Variants in EYA1 observed in about 807,000 individuals in gnomAD.
EYA1 encodes the protein EYA transcriptional coactivator and phosphatase 1.
A neutral mutation model predicts 82.0 loss-of-function variants in EYA1; 16 were observed. The observed-to-expected ratio is 0.20, with a 90% CI of 0.13 to 0.30. The LOEUF (loss-of-function observed/expected upper bound fraction) is 0.30. Among genes scored for constraint, EYA1 ranks in the 10% least tolerant of loss-of-function variants. The pLI, the probability that EYA1 is intolerant of heterozygous loss-of-function variation, is 1.00. For missense variants in EYA1, 633 were observed against 730.7 expected (o/e 0.87, Z 1.54); for synonymous variants, 261 against 264.4 (o/e 0.99, Z 0.12).
chr8:71,203,974 T>G (rs987363456), intron 17 of EYA1, among the ~76,000 whole-genome samples: 1 of 152,188 alleles, frequency 6.6e-6, no homozygotes, highest in African/African-American at 2.4e-5. Context: ...GACATTCAGA[T>G]GGGTAGAACA....
chr8:71,320,276 G>A (rs1225844914), intron 6 of EYA1, among the ~76,000 whole-genome samples: 1 of 152,158 alleles, frequency 6.6e-6, no homozygotes, highest in Non-Finnish European at 1.5e-5. Context: ...GGGCAGTGAT[G>A]GGAATGGCAC....
intron 7 of EYA1, among the ~76,000 whole-genome samples, chr8:71,307,449 C>G (rs532168134): frequency 1.3e-5 from 2 of 152,212 alleles, no homozygotes; most frequent in South Asian, 2.1e-4. Context: ...GGATTACAAG[C>G]GTGTCCGTCC....
At chr8:71,401,442 T>C (rs1658359943) in intron 2 of EYA1, among the ~76,000 whole-genome samples, 2 of 152,214 alleles carry the variant, frequency 1.3e-5, no homozygotes, top group South Asian at 4.1e-4. Flanking sequence ...TAGTTTCTCA[T>C]TACTGCAAGT....
At chr8:71,227,024 A>T (rs1461736408) in intron 12 of EYA1, among the ~76,000 whole-genome samples, 3 of 152,136 alleles carry the variant, frequency 2.0e-5, no homozygotes, top group Non-Finnish European at 4.4e-5. Flanking sequence ...GACAATGCCA[A>T]ATTATATTGT....
chr8:71,462,273 G>T (rs1272734801), intron 2 of EYA1, among the ~76,000 whole-genome samples: 1 of 152,186 alleles, frequency 6.6e-6, no homozygotes, highest in East Asian at 1.9e-4. Flanking sequence ...GCTTATCAGT[G>T]CCCAATGTCA....
intron 2 of EYA1, among the ~76,000 whole-genome samples, chr8:71,471,486 T>C (rs1207621292): frequency 6.6e-6 from 1 of 152,040 alleles, no homozygotes; most frequent in Non-Finnish European, 1.5e-5. Context: ...TCTATACCTA[T>C]ATATAGGACA....
At chr8:71,547,637 G>C (rs931947132) in intron 1 of EYA1, 7 of 151,950 alleles carry the variant, frequency 4.6e-5, no homozygotes, top group Admixed American at 1.3e-4. Context: ...TCCTGCCCCG[G>C]GGTGGGGCCC....
chr8:71,483,164 T>C (rs910124958), intron 2 of EYA1, among the ~76,000 whole-genome samples: 5 of 152,234 alleles, frequency 3.3e-5, no homozygotes, highest in Non-Finnish European at 7.3e-5. Context: ...ATTTTGCTCC[T>C]TGCTGCTGCT....
rs1284982089 is a variant in EYA1 at position 71,407,653 on chromosome 8, G to A, written c.34-51142C>T. 2.4e-3 allele frequency among the ~76,000 whole-genome samples: 285 copies of A among 118,394 alleles called. 12 individuals carry two copies. Among genetic ancestry groups the A allele is most frequent in the African/African-American group, 0.01 (268 of 25,922 alleles). 77.7% of individuals were successfully genotyped at this position (118,394 alleles called of 152,430 possible). On this transcript the variant is annotated intron_variant, in intron 2 of 18. Coordinates refer to the EYA1 transcript ENST00000643681. ...GAAGATGAAATGAATGAAATGAAGC[G>A]AGAAGGGAAGTTTAGAGAAAAAAGA...
intron 2 of EYA1, among the ~76,000 whole-genome samples, chr8:71,368,676 T>G (rs906710561): frequency 6.6e-6 from 1 of 152,064 alleles, no homozygotes; most frequent in African/African-American, 2.4e-5. Flanking sequence ...TATACCTCTT[T>G]TGGGAGAAAA....
At chr8:71,262,888 T>C (rs1815308023) in intron 11 of EYA1, among the ~76,000 whole-genome samples, 1 of 152,224 alleles carries the variant, frequency 6.6e-6, no homozygotes. Flanking sequence ...AGAGGTTTCA[T>C]ATATAGACAC....
At chr8:71,388,476 A>G (rs1168188199) in intron 2 of EYA1, among the ~76,000 whole-genome samples, 1 of 152,212 alleles carries the variant, frequency 6.6e-6, no homozygotes, top group African/African-American at 2.4e-5. Flanking sequence ...GAACTTTACA[A>G]GGTGCTTATT....
intron 2 of EYA1, among the ~76,000 whole-genome samples, chr8:71,535,324 A>G (rs2129287830): frequency 6.6e-6 from 1 of 152,346 alleles, no homozygotes; most frequent in East Asian, 1.9e-4. Flanking sequence ...TTCTTCACTA[A>G]AAACCTATTT....
intron 12 of EYA1, among the ~76,000 whole-genome samples, chr8:71,220,264 G>A (rs148541494): frequency 1.9e-4 from 29 of 152,150 alleles, no homozygotes; most frequent in African/African-American, 6.3e-4. Context: ...TGAAATACAC[G>A]ACCAAAATTA....
At chr8:71,286,954 A>G (rs1818452157) in intron 9 of EYA1, among the ~76,000 whole-genome samples, 1 of 151,972 alleles carries the variant, frequency 6.6e-6, no homozygotes, top group Non-Finnish European at 1.5e-5. Flanking sequence ...GGTGCCTGCC[A>G]CCACGCCTGG....
chr8:71,480,758 T>C (rs1810079628), intron 2 of EYA1, among the ~76,000 whole-genome samples: 1 of 152,196 alleles, frequency 6.6e-6, no homozygotes, highest in African/African-American at 2.4e-5. Flanking sequence ...TACGTTTCCA[T>C]TTTAAATAGA....
chr8:71,331,915 A>G (rs1315210099), intron 4 of EYA1, among the ~76,000 whole-genome samples: 3 of 152,224 alleles, frequency 2.0e-5, no homozygotes, highest in Non-Finnish European at 4.4e-5. Context: ...TGGTGCAATC[A>G]TAGCTCACTG....
chr8:71,211,664 T>G (rs1420719097), intron 16 of EYA1, among the ~76,000 whole-genome samples: 1 of 152,204 alleles, frequency 6.6e-6, no homozygotes, highest in African/African-American at 2.4e-5. Flanking sequence ...TTTTAAAAAG[T>G]TTTTTCTTCA....
intron 2 of EYA1, among the ~76,000 whole-genome samples, chr8:71,506,429 T>A (rs1232728497): frequency 6.6e-6 from 1 of 152,202 alleles, no homozygotes; most frequent in Non-Finnish European, 1.5e-5. Context: ...GCAAAATATT[T>A]TTTTCCTGAC....
Sources: gnomAD v4.1 joint callset for allele counts (sites outside exome capture counted in the v4.1 genomes callset) on GRCh38, gnomAD v4.1.1 for gene constraint, MANE v1.5 for transcripts, NCBI Gene and HGNC (gene_info 2026-07-23, HGNC 2026-07-21) for gene names.